CEP128: variants seen among roughly 807,000 people sequenced by gnomAD.
CEP128 encodes centrosomal protein 128kDa.
CEP128 carries 132 observed loss-of-function variants against 156.7 expected under a neutral mutation model. The ratio of observed to expected loss-of-function variants is 0.84; its 90% CI spans 0.73 to 0.97. The LOEUF (loss-of-function observed/expected upper bound fraction) is 0.97, where lower values mean the gene tolerates loss of function less well. Ranked by LOEUF, CEP128 falls within the 50% of genes least tolerant of loss-of-function variation. CEP128 has a pLI of 0.00. For synonymous variants in CEP128, 469 were observed against 448.9 expected (o/e 1.04, Z -0.57); for missense variants, 1,252 against 1,281.9 (o/e 0.98, Z 0.36).
chr14:80,486,623 C>G (rs1007721304), downstream of CEP128, among the ~76,000 whole-genome samples: 11 of 152,120 alleles, frequency 7.2e-5, no homozygotes, highest in African/African-American at 2.7e-4. Context: ...CAGAGAGAAA[C>G]GTTGGGTTAC....
chr14:80,883,293 A>T lies in CEP128; in HGVS notation c.645+12425T>A, dbSNP rs151207244. On this transcript the variant is annotated intron_variant, in intron 8 of 24. Coordinates refer to ENST00000555265, the MANE Select transcript of CEP128 (RefSeq NM_152446.5). Reference sequence around the variant, plus strand: ...AGGGCATCCAAATTGAAAAGGAAGAAGTCAAATTAATTATCTTTGTTTGCA... The same window carrying T: ...AGGGCATCCAAATTGAAAAGGAAGATGTCAAATTAATTATCTTTGTTTGCA... Among the ~76,000 whole-genome samples, 594 of 152,242 alleles carry T rather than the reference A, an allele frequency of 3.9e-3. 4 individuals carry two copies. The highest frequency in any genetic ancestry group is 0.013 in the African/African-American group (547 of 41,564).
intron 21 of CEP128, among the ~76,000 whole-genome samples, chr14:80,535,041 G>T (rs1295208588): frequency 6.6e-6 from 1 of 152,130 alleles, no homozygotes; most frequent in East Asian, 1.9e-4. Flanking sequence ...TCAGAGGCTA[G>T]AAGAGCTGGA....
chr14:80,749,185 ACT>A (rs1899259623), intron 18 of CEP128, among the ~76,000 whole-genome samples: 2 of 152,048 alleles, frequency 1.3e-5, no homozygotes, highest in Non-Finnish European at 1.5e-5. Flanking sequence ...AGAAAAAAAG[ACT>A]CTGCCTGGTA....
intron 19 of CEP128, among the ~76,000 whole-genome samples, chr14:80,658,331 A>C (rs1039540569): frequency 3.9e-5 from 6 of 152,136 alleles, no homozygotes; most frequent in Non-Finnish European, 8.8e-5. Context: ...TTCAGGCTTT[A>C]CTGCCCTATT....
intron 19 of CEP128, among the ~76,000 whole-genome samples, chr14:80,702,895 A>C (rs935343003): frequency 6.6e-6 from 1 of 152,194 alleles, no homozygotes; most frequent in Non-Finnish European, 1.5e-5. Flanking sequence ...GCAAAACACT[A>C]AACAAAATAC....
chr14:80,514,700 C>T (rs1260896477), intron 23 of CEP128: 1 of 420,068 alleles, frequency 2.4e-6, no homozygotes, highest in Non-Finnish European at 4.8e-6. Flanking sequence ...ATATTTTTGT[C>T]ACTCCAGTAT....
intron 20 of CEP128, among the ~76,000 whole-genome samples, chr14:80,564,957 G>C (rs1890849282): frequency 6.6e-6 from 1 of 152,114 alleles, no homozygotes; most frequent in Admixed American, 6.5e-5. Flanking sequence ...TACTAGGGAG[G>C]CTGAGGCAGG....
intron 19 of CEP128, among the ~76,000 whole-genome samples, chr14:80,642,658 AAAAC>A (rs1461732072): frequency 9.2e-5 from 14 of 152,182 alleles, no homozygotes; most frequent in Non-Finnish European, 1.9e-4. Context: ...CTCCATCTCT[AAAAC>A]AAACAAACAA....
chr14:80,656,281 A>T (rs866863054), intron 19 of CEP128, among the ~76,000 whole-genome samples: 197 of 10,908 alleles, frequency 0.018, 6 homozygotes, highest in African/African-American at 0.1. Context: ...GTTTTTATTT[A>T]TATATATATT....
intron 9 of CEP128, among the ~76,000 whole-genome samples, chr14:80,851,334 G>A (rs746339443): frequency 1.3e-4 from 20 of 152,070 alleles, no homozygotes; most frequent in Non-Finnish European, 2.5e-4. Flanking sequence ...TATGATACAT[G>A]ACAGTGAGCA....
At chr14:80,932,395 T>C (rs945457444) in intron 2 of CEP128, among the ~76,000 whole-genome samples, 5 of 152,216 alleles carry the variant, frequency 3.3e-5, no homozygotes, top group African/African-American at 4.8e-5. Flanking sequence ...CTTCCTGAGA[T>C]TGCAAATGAC....
At chr14:80,632,168 T>A (rs1207088091) in intron 19 of CEP128, among the ~76,000 whole-genome samples, 1 of 152,074 alleles carries the variant, frequency 6.6e-6, no homozygotes, top group Non-Finnish European at 1.5e-5. Flanking sequence ...CTAAATACTA[T>A]GACAACTATC....
At chr14:80,754,350 A>T (rs755383699) in intron 18 of CEP128, among the ~76,000 whole-genome samples, 13 of 152,028 alleles carry the variant, frequency 8.6e-5, no homozygotes, top group Non-Finnish European at 1.6e-4. Context: ...CATCTGGGAC[A>T]TCAGCCTCCA....
intron 9 of CEP128, among the ~76,000 whole-genome samples, chr14:80,861,644 T>C (rs1030106150): frequency 2.6e-5 from 4 of 152,084 alleles, no homozygotes; most frequent in South Asian, 2.1e-4. Context: ...CTGTTCCAGA[T>C]TAAAGGAAAC....
At chr14:80,536,525 T>A (rs1889492327) in intron 21 of CEP128, among the ~76,000 whole-genome samples, 1 of 152,204 alleles carries the variant, frequency 6.6e-6, no homozygotes, top group Admixed American at 6.5e-5. Flanking sequence ...TGGAAACAGA[T>A]CCACTGCAAA....
intron 2 of CEP128, among the ~76,000 whole-genome samples, chr14:80,923,933 T>C (rs191311914): frequency 6.6e-6 from 1 of 152,164 alleles, no homozygotes; most frequent in Non-Finnish European, 1.5e-5. Flanking sequence ...GATGGTTTTA[T>C]AAGGGGCTCT....
chr14:80,693,446 T>C (rs1896784123), intron 19 of CEP128, among the ~76,000 whole-genome samples: 1 of 152,172 alleles, frequency 6.6e-6, no homozygotes, highest in Non-Finnish European at 1.5e-5. Flanking sequence ...ACTTTATTCT[T>C]TAATGAGACA....
At chr14:80,547,797 A>ATTT (rs369896159) in intron 21 of CEP128, among the ~76,000 whole-genome samples, 2 of 141,192 alleles carry the variant, frequency 1.4e-5, no homozygotes, top group Non-Finnish European at 1.5e-5. Context: ...AGGGAGAGGA[A>ATTT]TTTTTTTTTT....
At chr14:80,485,902 T>C (rs1887153526), downstream of CEP128, among the ~76,000 whole-genome samples, 1 of 152,212 alleles carries the variant, frequency 6.6e-6, no homozygotes, top group Non-Finnish European at 1.5e-5. Flanking sequence ...AGGCTGTTTT[T>C]AAAAGACATT....
Sources: allele counts gnomAD v4.1 joint callset (sites outside exome capture counted in the v4.1 genomes callset), GRCh38; gene constraint gnomAD v4.1.1; transcripts MANE v1.5; gene names NCBI Gene and HGNC (gene_info 2026-07-23, HGNC 2026-07-21).